The following SLC25A21 variants were observed in gnomAD, a reference collection of about 807,000 sequenced individuals.
The protein encoded by SLC25A21 is solute carrier family 25 member 21, also known as mitochondrial 2-oxodicarboxylate carrier.
SLC25A21 carries 47 observed loss-of-function variants against 43.8 expected under a neutral mutation model. The ratio of observed to expected loss-of-function variants is 1.07; its 90% CI spans 0.85 to 1.37. The LOEUF is 1.37. SLC25A21 is among the 40% of genes most tolerant of loss of function. SLC25A21 has a pLI of 0.00. For synonymous variants in SLC25A21, 131 were observed against 121.3 expected, an observed-to-expected ratio of 1.08 and a Z score of -0.52; for missense variants, 352 against 350.2, an observed-to-expected ratio of 1.00 and a Z score of -0.04.
At chr14:36,951,433 ACT>A (rs1465156701) in intron 1 of SLC25A21, among the ~76,000 whole-genome samples, 1 of 152,088 alleles carries the variant, frequency 6.6e-6, no homozygotes, top group African/African-American at 2.4e-5. Flanking sequence ...AAATTATTGA[ACT>A]CTCTGCATCT....
chr14:36,889,924 C>T (rs1174294784), intron 1 of SLC25A21, among the ~76,000 whole-genome samples: 1 of 152,202 alleles, frequency 6.6e-6, no homozygotes, highest in Admixed American at 6.6e-5. Context: ...TCTTTTTCAA[C>T]ATTAAATATG....
At chr14:36,978,172 T>C (rs1238269558) in intron 1 of SLC25A21, among the ~76,000 whole-genome samples, 2 of 152,150 alleles carry the variant, frequency 1.3e-5, no homozygotes, top group Non-Finnish European at 2.9e-5. Context: ...GCAGAACTGC[T>C]ACAATAATTC....
intron 1 of SLC25A21, among the ~76,000 whole-genome samples, chr14:36,881,274 T>C (rs78007224): frequency 0.024 from 3,684 of 152,276 alleles, 93 homozygotes; most frequent in Middle Eastern, 0.078. Flanking sequence ...GCCTGCGTAT[T>C]CTTTATATTT....
chr14:37,146,647 T>C (rs1963670138), intron 1 of SLC25A21, among the ~76,000 whole-genome samples: 1 of 152,208 alleles, frequency 6.6e-6, no homozygotes, highest in African/African-American at 2.4e-5. Flanking sequence ...TTTACATCAT[T>C]TATTCAACAA....
At chr14:36,752,337 G>A (rs1450512248) in intron 3 of SLC25A21, among the ~76,000 whole-genome samples, 1 of 152,214 alleles carries the variant, frequency 6.6e-6, no homozygotes. Context: ...AAACAGCGTG[G>A]AGGATCTTCA....
chr14:37,025,767 T>C (rs1040406999), intron 1 of SLC25A21, among the ~76,000 whole-genome samples: 4 of 152,110 alleles, frequency 2.6e-5, no homozygotes, highest in Non-Finnish European at 5.9e-5. Flanking sequence ...ACTTCAGACA[T>C]AGATGTTTTT....
chr14:36,747,664 C>A (rs1395644938), intron 3 of SLC25A21, among the ~76,000 whole-genome samples: 4 of 152,134 alleles, frequency 2.6e-5, no homozygotes, highest in African/African-American at 9.7e-5. Flanking sequence ...GCACTAAGTG[C>A]ACCAAGCAGA....
chr14:36,794,194 C>A (rs912780200), intron 3 of SLC25A21, among the ~76,000 whole-genome samples: 5 of 152,090 alleles, frequency 3.3e-5, no homozygotes, highest in Admixed American at 3.3e-4. Context: ...GGCAGATGTA[C>A]ACAGTGCCAA....
intron 1 of SLC25A21, among the ~76,000 whole-genome samples, chr14:37,099,425 G>A (rs752580686): frequency 1.3e-4 from 19 of 151,986 alleles, no homozygotes; most frequent in Admixed American, 1.3e-4. Context: ...AAAATATTCC[G>A]TTCTAACAGT....
intron 7 of SLC25A21, among the ~76,000 whole-genome samples, chr14:36,705,133 C>CG (rs758976820): frequency 3.9e-5 from 6 of 152,002 alleles, no homozygotes; most frequent in Non-Finnish European, 8.8e-5. Context: ...CTCCGCCTCC[C>CG]GGGTTCACAC....
At chr14:36,779,714 G>A (rs1370099259) in intron 3 of SLC25A21, among the ~76,000 whole-genome samples, 1 of 147,932 alleles carries the variant, frequency 6.8e-6, no homozygotes, top group African/African-American at 2.5e-5. Flanking sequence ...CAACAGGCAC[G>A]TAGCTTGTTA....
intron 1 of SLC25A21, among the ~76,000 whole-genome samples, chr14:37,168,820 A>G (rs1964073904): frequency 1.3e-5 from 2 of 152,246 alleles, no homozygotes; most frequent in South Asian, 4.2e-4. Context: ...ACAGTGTGGC[A>G]CTCTGACAAC....
At chr14:36,986,814 G>A (rs1960157897) in intron 1 of SLC25A21, among the ~76,000 whole-genome samples, 1 of 152,022 alleles carries the variant, frequency 6.6e-6, no homozygotes, top group Non-Finnish European at 1.5e-5. Context: ...TTCCCCCTGG[G>A]TCTTGGAATC....
chr14:36,982,501 G>T (rs561500513), intron 1 of SLC25A21, among the ~76,000 whole-genome samples: 1 of 152,034 alleles, frequency 6.6e-6, no homozygotes, highest in Non-Finnish European at 1.5e-5. Flanking sequence ...AACCATGAAA[G>T]GTTTTAGTAT....
intron 3 of SLC25A21, among the ~76,000 whole-genome samples, chr14:36,810,908 A>ATGAT (rs1357445792): frequency 4.2e-5 from 4 of 94,560 alleles, no homozygotes; most frequent in Admixed American, 2.0e-4. Context: ...AATTCAGCAT[A>ATGAT]TGATAGAGAA....
chr14:36,979,334 T>TTG (rs1959962561), intron 1 of SLC25A21, among the ~76,000 whole-genome samples: 1 of 148,024 alleles, frequency 6.8e-6, no homozygotes, highest in Admixed American at 6.7e-5. Context: ...TTTTTTTGGT[T>TTG]TTTTTTTTTA....
chr14:36,736,005 G>A (rs975866938), intron 3 of SLC25A21, among the ~76,000 whole-genome samples: 4 of 135,796 alleles, frequency 2.9e-5, no homozygotes, highest in South Asian at 2.3e-4. Context: ...GGCGCATCTC[G>A]GCTCACTGCA....
At position 36,944,462 on chromosome 14, in the gene SLC25A21, G is replaced by A. The variant is rs555384288; in HGVS notation, c.71-69458C>T. Reference sequence around the variant, plus strand: ...GGCCTTGAGAGATGACTAACACTTAGTAAACCATGCTGGGGGAGGAAACAT... The same window carrying A: ...GGCCTTGAGAGATGACTAACACTTAATAAACCATGCTGGGGGAGGAAACAT... On this transcript the variant is annotated intron_variant, in intron 1 of 9. Transcript: ENST00000331299. Among the ~76,000 whole-genome samples the A allele has an allele frequency of 9.2e-5, 14 of 152,192 alleles. 1 individual carries two copies. In the South Asian group the frequency reaches 2.9e-3, roughly 32 times the overall value.
intron 1 of SLC25A21, among the ~76,000 whole-genome samples, chr14:36,899,787 A>G (rs1424709963): frequency 6.6e-6 from 1 of 152,178 alleles, no homozygotes; most frequent in East Asian, 1.9e-4. Flanking sequence ...TTCAGCATTT[A>G]TTTCAGGCAA....
Sources: gnomAD v4.1 joint callset for allele counts (sites outside exome capture counted in the v4.1 genomes callset) on GRCh38, gnomAD v4.1.1 for gene constraint, MANE v1.5 for transcripts, NCBI Gene and HGNC (gene_info 2026-07-23, HGNC 2026-07-21) for gene names.